SMARCA1: variants seen among roughly 807,000 people sequenced by gnomAD.
The protein encoded by SMARCA1 is SNF2 related chromatin remodeling ATPase 1, also known as SWI/SNF-related matrix-associated actin-dependent regulator of chromatin subfamily A member 1.
Under a neutral mutation model 93.6 loss-of-function variants are expected in SMARCA1, and 17 were observed. That is an observed-to-expected ratio of 0.18 (90% CI 0.12 to 0.27). SMARCA1 has a LOEUF of 0.27. Among genes scored for constraint, SMARCA1 ranks in the 10% least tolerant of loss-of-function variants. The pLI, the probability that SMARCA1 is intolerant of heterozygous loss-of-function variation, is 1.00. For synonymous variants in SMARCA1, 271 were observed against 271.4 expected, an observed-to-expected ratio of 1.00 and a Z score of 0.01; for missense variants, 630 against 819.0, an observed-to-expected ratio of 0.77 and a Z score of 2.82.
intron 6 of SMARCA1, 75 bp downstream of exon 6, chrX:129,511,729 A>G (rs1441489255): frequency 5.3e-5 from 44 of 825,063 alleles, no homozygotes; most frequent in Non-Finnish European, 7.6e-5. Flanking sequence ...GATGTTTTTA[A>G]CAGCAATAAT....
At position 129,488,922 on chromosome X, in the gene SMARCA1, G is replaced by T. The variant is rs369492269; in HGVS notation, c.2097+15C>A. ...AAACAATCCAGCATGAAAATAAAATGCTATTTTAACTAACCTTCTTTTCCC... is the reference window on the plus strand; with the variant it reads ...AAACAATCCAGCATGAAAATAAAATTCTATTTTAACTAACCTTCTTTTCCC... On this transcript the variant is annotated intron_variant, in intron 16 of 24. Coordinates refer to ENST00000371121, the MANE Select transcript of SMARCA1 (RefSeq NM_001282874.2). The T allele has an allele frequency of 1.6e-5, 17 of 1,086,876 alleles. No individual in the cohort carries two copies. The highest frequency in any genetic ancestry group is 2.0e-5 in the Non-Finnish European group (16 of 793,455). The allele number at this position is 1,086,876 out of a possible 1,213,427, so 89.6% of individuals were successfully genotyped here.
At chrX:129,498,785 T>C (rs955835062) in intron 10 of SMARCA1, among the ~76,000 whole-genome samples, 1 of 111,798 alleles carries the variant, frequency 8.9e-6, no homozygotes, top group Non-Finnish European at 1.9e-5. Flanking sequence ...TACTGGCTTA[T>C]GTAGTAAAGA....
chrX:129,463,665 C>T (rs772221558), intron 23 of SMARCA1, among the ~76,000 whole-genome samples: 4 of 111,749 alleles, frequency 3.6e-5, no homozygotes, highest in East Asian at 2.8e-4. Flanking sequence ...TTGCTGGGCG[C>T]GGTGGTTCAC....
rs1392622976 is a variant in SMARCA1, at chrX:129,519,223, C to T, written c.175-776G>A. On this transcript the variant is annotated intron_variant, in intron 1 of 24. Transcript: ENST00000371121. ...CTGGGGAAGGGGGTTATCTCATGCACCCTATCCTTTGTAAAGACAAGCCTG... is the reference window on the plus strand; with the variant it reads ...CTGGGGAAGGGGGTTATCTCATGCATCCTATCCTTTGTAAAGACAAGCCTG... Among the ~76,000 whole-genome samples, 8 of 111,268 alleles carry T rather than the reference C, an allele frequency of 7.2e-5. No individual in the cohort carries two copies. The Admixed American group carries it at 7.7e-4, about 11-fold the overall frequency.
Position 129,515,972 on chromosome X carries a change from G to T in SMARCA1, c.451C>A (p.Gln151Lys). 6 of 1,204,836 alleles carry T rather than the reference G, an allele frequency of 5.0e-6. No individual in the cohort carries two copies. The highest frequency in any genetic ancestry group is 6.7e-6 in the Non-Finnish European group (6 of 889,450). ...GACAGTAGCTCTTCATCTTCTTCTT[G>T]CTCTGTGCGCCTATGGCGGTAGCTG... ...AGDYRHRRTE[Q>K]EEDEELLSES... is the part of the protein sequence containing the mutation. Residue 151 changes from glutamine (Q) to lysine (K), a missense_variant, in exon 4 of 25, where the codon CAA (glutamine) becomes AAA (lysine). Gln to Lys is a moderately conservative substitution (Grantham distance 53). This residue lies in a region of SMARCA1 where 382 missense variants were observed against 537.9 expected (regional missense o/e 0.71). Transcript: ENST00000371121.
At chrX:129,506,699 AAAAAAAAAAAAAAAAG>A (rs1001463628) in intron 7 of SMARCA1, among the ~76,000 whole-genome samples, 2 of 99,753 alleles carry the variant, frequency 2.0e-5, no homozygotes, top group African/African-American at 7.8e-5. Context: ...CAAAAAAAAA[AAAAAAAAAAAAAAAAG>A]GAAGAAGAAT....
chrX:129,481,229 A>G, intron 17 of SMARCA1, 44 bp from the exon 18 acceptor site: 1 of 825,172 alleles, frequency 1.2e-6, no homozygotes, highest in Non-Finnish European at 1.8e-6. Flanking sequence ...GACTCCAAAC[A>G]ACAGTTTTAT....
At chrX:129,497,011 AC>A in intron 11 of SMARCA1, 140 bp from the exon 12 acceptor site, 1 of 449,134 alleles carries the variant, frequency 2.2e-6, no homozygotes. Flanking sequence ...ACACACACAC[AC>A]ACACACACAC....
At chrX:129,475,559 A>G (rs770029215) in intron 19 of SMARCA1, among the ~76,000 whole-genome samples, 1 of 111,771 alleles carries the variant, frequency 8.9e-6, no homozygotes, top group Non-Finnish European at 1.9e-5. Context: ...TTACAGACCA[A>G]TAGTACTGAA....
chrX:129,473,028 T>G (rs777397072), intron 19 of SMARCA1, among the ~76,000 whole-genome samples: 1 of 111,336 alleles, frequency 9.0e-6, no homozygotes, highest in African/African-American at 3.3e-5. Context: ...AAGAATATTC[T>G]AGGCTAGGGG....
At chrX:129,487,776 G>C (rs934246849) in intron 16 of SMARCA1, among the ~76,000 whole-genome samples, 4 of 112,097 alleles carry the variant, frequency 3.6e-5, no homozygotes, top group African/African-American at 6.5e-5. Context: ...ATTTTGATTT[G>C]CATTCTGATT....
At chrX:129,489,992 A>G in intron 15 of SMARCA1, 68 bp downstream of exon 15, 1 of 830,134 alleles carries the variant, frequency 1.2e-6, no homozygotes. Flanking sequence ...TATTAAAAGT[A>G]ATCTCCTTTG....
At chrX:129,465,069 T>C (rs1297754999) in intron 23 of SMARCA1, among the ~76,000 whole-genome samples, 10 of 110,583 alleles carry the variant, frequency 9.0e-5, no homozygotes, top group African/African-American at 3.3e-4. Context: ...AAAAAACAGC[T>C]ATAAAGGGGG....
At chrX:129,479,027 C>T (rs1891516343) in intron 19 of SMARCA1, among the ~76,000 whole-genome samples, 1 of 111,822 alleles carries the variant, frequency 8.9e-6, no homozygotes, top group South Asian at 3.8e-4. Context: ...CTTCAGTTTC[C>T]TCACCTATTA....
chrX:129,519,703 G>A (rs937333419), intron 1 of SMARCA1, among the ~76,000 whole-genome samples: 3 of 111,395 alleles, frequency 2.7e-5, no homozygotes, highest in South Asian at 3.8e-4. Flanking sequence ...ATCCTGGATG[G>A]ATGAGAATAG....
intron 12 of SMARCA1, among the ~76,000 whole-genome samples, chrX:129,493,294 T>A (rs1283733056): frequency 1.8e-5 from 2 of 111,722 alleles, no homozygotes; most frequent in African/African-American, 6.5e-5. Flanking sequence ...AAGTAAATAG[T>A]ATCAGGATAC....
chrX:129,488,293 A>AAC (rs1401341159), intron 16 of SMARCA1, among the ~76,000 whole-genome samples: 10 of 108,141 alleles, frequency 9.2e-5, no homozygotes, highest in Non-Finnish European at 5.7e-5. Context: ...GTGCAAAAAA[A>AAC]AAAAAAAAAA....
chrX:129,499,697 C>A (rs747737924), intron 10 of SMARCA1, 35 bp downstream of exon 10: 2 of 794,049 alleles, frequency 2.5e-6, no homozygotes, highest in Non-Finnish European at 1.9e-6. Flanking sequence ...AATTCTTACA[C>A]ACAAATAAGT....
At chrX:129,454,016 GC>G (rs1254542277) in intron 23 of SMARCA1, among the ~76,000 whole-genome samples, 1 of 111,662 alleles carries the variant, frequency 9.0e-6, no homozygotes. Context: ...AAAGCTGGAG[GC>G]ATCACGCTAC....
Sources: gnomAD v4.1 joint callset for allele counts (sites outside exome capture counted in the v4.1 genomes callset) on GRCh38, gnomAD v4.1.1 for gene constraint, gnomAD v4.1.1 regional missense constraint, MANE v1.5 for transcripts, NCBI Gene and HGNC (gene_info 2026-07-23, HGNC 2026-07-21) for gene names.